HP: variants seen among roughly 807,000 people sequenced by gnomAD.
HP encodes the protein haptoglobin, also known as haptoglobin alpha(1S)-beta.
In HP, 9 loss-of-function variants were observed where a neutral mutation model predicts 23.2. That is an observed-to-expected ratio of 0.39 (90% CI 0.23 to 0.68). HP has a LOEUF of 0.68. Among genes scored for constraint, HP ranks in the 30% least tolerant of loss-of-function variants. The pLI, the probability that HP is intolerant of heterozygous loss-of-function variation, is 0.47. For missense variants in HP, 433 were observed against 483.6 expected, an observed-to-expected ratio of 0.90 and a Z score of 0.98; for synonymous variants, 155 against 183.3, an observed-to-expected ratio of 0.85 and a Z score of 1.25.
chr16:72,056,137 C>T (rs755325927), intron 1 of HP, 24 bp from the exon 2 acceptor site: 11 of 1,609,006 alleles, frequency 6.8e-6, no homozygotes, highest in Non-Finnish European at 9.4e-6. Context: ...TAGCTTTCCA[C>T]TCCTCCTTGT....
intron 1 of HP, 53 bp downstream of exon 1, chr16:72,054,710 T>C: frequency 6.2e-7 from 1 of 1,611,948 alleles, no homozygotes; most frequent in East Asian, 2.2e-5. Flanking sequence ...ATTTCAGTCT[T>C]TTTTGCATAC....
In HP at chr16:72,060,532, C is replaced by T; in HGVS notation, c.863C>T (p.Ala288Val). The change falls in exon 7 of 7, where the codon GCC becomes GTC. Residue 288 changes from alanine (A) to valine (V), a missense_variant. Ala to Val is a moderately conservative substitution (Grantham distance 64). Around this residue, in one of 3 missense-constraint regions of HP, gnomAD observed 326 missense variants for 358.1 expected, o/e 0.91. Transcript: ENST00000355906. ...VGYVSGWGRN[A>V]NFKFTDHLKY... ...TATGTTTCTGGCTGGGGGCGAAATG[C>T]CAATTTTAAATTTACTGACCATCTG... is the stretch of plus-strand genomic sequence containing the variant. The T allele has an allele frequency of 6.2e-7, 1 of 1,614,138 alleles. No individual in the cohort carries two copies. Among genetic ancestry groups the T allele is most frequent in the Non-Finnish European group, 8.5e-7 (1 of 1,180,014 alleles).
intron 1 of HP, 132 bp downstream of exon 1, chr16:72,054,789 T>G: frequency 1.4e-6 from 2 of 1,444,576 alleles, no homozygotes; most frequent in Non-Finnish European, 1.9e-6. Flanking sequence ...ACCAAAGGGC[T>G]TAGTGTGTTA....
chr16:72,060,113 A>G lies in HP; in HGVS notation c.444A>G (p.Val148=). The G allele has an allele frequency of 6.2e-7, 1 of 1,612,758 alleles. No homozygotes were observed. The highest frequency in any genetic ancestry group is 8.5e-7 in the Non-Finnish European group (1 of 1,179,390). ...VGDKLPECEA[V]CGKPKNPANP... ...CGAGTGTCTTGCTCTCCTTGACAGTATGTGGGAAGCCCAAGAATCCGGCAA... is the reference window on the plus strand; with the variant it reads ...CGAGTGTCTTGCTCTCCTTGACAGTGTGTGGGAAGCCCAAGAATCCGGCAA... The change falls in exon 7 of 7, where the codon GTA becomes GTG. Residue 148 remains valine (V), a splice_region_variant and synonymous_variant. Coordinates refer to ENST00000355906, the MANE Select transcript of HP (RefSeq NM_005143.5).
Position 72,059,197 on chromosome 16 carries a change from T to G in HP, c.442+9T>G, listed in dbSNP as rs1471534655. On this transcript the variant is annotated intron_variant, in intron 6 of 6. Transcript: ENST00000355906. ...TCCTGAATGTGAAGCAGGTGGGTGCTGAGCACTTAAGAGAGCAGGCAGGCG... is the reference window on the plus strand; with the variant it reads ...TCCTGAATGTGAAGCAGGTGGGTGCGGAGCACTTAAGAGAGCAGGCAGGCG... The G allele has an allele frequency of 1.3e-6, 2 of 1,565,356 alleles. No individual in the cohort carries two copies. The highest frequency in any genetic ancestry group is 2.2e-5 in the South Asian group (2 of 90,462).
chr16:72,059,102 C>G lies in HP; in HGVS notation c.368-12C>G, dbSNP rs1555533012. ...ACTTCTCCTTTGGCTCACTTCTTGC[C>G]TTTTGTTTCAGGAGTGTACACCTTA... On this transcript the variant is annotated splice_polypyrimidine_tract_variant and intron_variant, in intron 5 of 6. Transcript: ENST00000355906. 3.8e-6 allele frequency: 6 copies of G among 1,564,132 alleles called. 1 individual carries two copies. Among genetic ancestry groups the G allele is most frequent in the Non-Finnish European group, 5.2e-6 (6 of 1,147,722 alleles).
At chr16:72,060,040 G>C in intron 6 of HP, 72 bp from the exon 7 acceptor site, 1 of 1,594,416 alleles carries the variant, frequency 6.3e-7, no homozygotes, top group East Asian at 2.3e-5. Flanking sequence ...AGCCGCCCAT[G>C]CTTTCACCCC....
At chr16:72,059,515 G>A (rs1046772358) in intron 6 of HP, 1 of 373,192 alleles carries the variant, frequency 2.7e-6, no homozygotes, top group East Asian at 5.2e-5. Flanking sequence ...GTCAAGGAAT[G>A]ACATAAAATC....
In HP at chr16:72,060,515, T is replaced by C. The variant is rs374023842; in HGVS notation, c.846T>C (p.Ser282=). The C allele has an allele frequency of 2.2e-5, 35 of 1,614,082 alleles. No homozygotes were observed. Among genetic ancestry groups the C allele is most frequent in the Non-Finnish European group, 2.7e-5 (32 of 1,180,050 alleles). The stretch of plus-strand genomic sequence containing the variant: ...AAGTAGGGCGTGTGGGTTATGTTTC[T>C]GGCTGGGGGCGAAATGCCAATTTTA... The part of the protein sequence containing the change: ...YAEVGRVGYV[S]GWGRNANFKF... The change falls in exon 7 of 7, where the codon TCT becomes TCC. Residue 282 remains serine, a synonymous_variant. Coordinates refer to ENST00000355906, the MANE Select transcript of HP (RefSeq NM_005143.5).
chr16:72,054,681 G>A, intron 1 of HP, 24 bp downstream of exon 1: 1 of 1,612,306 alleles, frequency 6.2e-7, no homozygotes, highest in East Asian at 2.2e-5. Context: ...TTTCCCTCCT[G>A]CCTTTCCTCT....
At position 72,058,177 on chromosome 16, in the gene HP, C is replaced by T. The variant is rs561768825; in HGVS notation, c.266-77C>T. The T allele has an allele frequency of 1.9e-4, 177 of 909,708 alleles. 28 individuals carry two copies. Among genetic ancestry groups the T allele is most frequent in the Non-Finnish European group, 2.7e-4 (167 of 612,764 alleles). 56.4% of individuals were successfully genotyped at this position (909,708 alleles called of 1,614,324 possible). ...AAGGAGATTGATGTGCAGAGCAGCTCCCGCTCATCTGACTTTTCACGGTTC... is the reference window on the plus strand; with the variant it reads ...AAGGAGATTGATGTGCAGAGCAGCTTCCGCTCATCTGACTTTTCACGGTTC... On this transcript the variant is annotated intron_variant, in intron 4 of 6. Transcript: ENST00000355906.
chr16:72,056,321 T>C (rs2041462300), intron 2 of HP, 78 bp downstream of exon 2: 2 of 1,565,862 alleles, frequency 1.3e-6, no homozygotes, highest in East Asian at 4.5e-5. Context: ...AACACCCAAT[T>C]CCCCCTTCTT....
rs552803782 is a variant in HP at position 72,057,630 on chromosome 16, A to T, written c.265+164A>T. ...AGGGAGAGACTTAAGCAGTTAGGTG[A>T]TGACTCCCTAAGGGTCACCAAGGGT... On this transcript the variant is annotated intron_variant, in intron 4 of 6. Coordinates refer to ENST00000355906, the MANE Select transcript of HP (RefSeq NM_005143.5). 6.6e-4 allele frequency: 509 copies of T among 768,330 alleles called. 55 individuals are homozygous for T. Among genetic ancestry groups the T allele is most frequent in the Non-Finnish European group, 9.3e-4 (463 of 496,286 alleles). The allele number at this position is 768,330 out of a possible 1,614,324, so 47.6% of individuals were successfully genotyped here. A position where few individuals can be genotyped will look rare whatever the true frequency, so the allele number is the denominator to read the frequency against.
chr16:72,060,269 G>A lies in HP; in HGVS notation c.600G>A (p.Thr200=), dbSNP rs369321095. 9.3e-5 allele frequency: 150 copies of A among 1,614,092 alleles called. 2 individuals carry two copies. The highest frequency in any genetic ancestry group is 7.5e-4 in the South Asian group (68 of 91,086). ...TLINEQWLLT[T]AKNLFLNHSE... is the part of the protein sequence containing the mutation. ...TCAATGAACAATGGCTGCTGACCAC[G>A]GCTAAAAATCTCTTCCTGAACCATT... The change falls in exon 7 of 7, where the codon ACG becomes ACA. Residue 200 remains threonine (T), a synonymous_variant. Transcript: ENST00000355906.
intron 5 of HP, 114 bp from the exon 6 acceptor site, chr16:72,059,000 C>T (rs1380594369): frequency 8.7e-7 from 1 of 1,143,260 alleles, no homozygotes; most frequent in East Asian, 2.5e-5. Context: ...TTTTCCCCTT[C>T]CTTTTTGTCC....
At chr16:72,056,270 G>T (rs374879127) in intron 2 of HP, 27 bp downstream of exon 2, 1 of 1,605,816 alleles carries the variant, frequency 6.2e-7, no homozygotes, top group South Asian at 1.1e-5. Flanking sequence ...GTAGGAGTGT[G>T]CATCCCACTC....
Position 72,057,865 on chromosome 16 carries a change from C to T in HP, c.266-389C>T, listed in dbSNP as rs1312126070. The T allele has an allele frequency of 1.5e-5, 5 of 334,532 alleles. No homozygotes were observed. The Admixed American group carries it at 1.6e-4, about 11-fold the overall frequency. The allele number at this position is 334,532 out of a possible 1,614,324, so 20.7% of individuals were successfully genotyped here. The stretch of plus-strand genomic sequence containing the variant: ...GACATGGGCTGGAACTCCTGCTTCT[C>T]GTTATTAGGAGGAGCTGTTGCTCTC... On this transcript the variant is annotated intron_variant, in intron 4 of 6. Transcript: ENST00000355906.
In HP at chr16:72,054,566, A is replaced by G; in HGVS notation, c.-87A>G. 2 of 1,584,282 alleles carry G rather than the reference A, an allele frequency of 1.3e-6. No individual in the cohort carries two copies. The highest frequency in any genetic ancestry group is 1.7e-6 in the Non-Finnish European group (2 of 1,163,856). Reference sequence around the variant, plus strand: ...TGTAGACACAGGAATTACGAAATGGAGAAGGGGGAGAAGTGAGCTAGTGGC... The same window carrying G: ...TGTAGACACAGGAATTACGAAATGGGGAAGGGGGAGAAGTGAGCTAGTGGC... On this transcript the variant is annotated 5_prime_UTR_variant, in exon 1 of 7. Coordinates refer to ENST00000355906, the MANE Select transcript of HP (RefSeq NM_005143.5).
chr16:72,054,919 A>C, intron 1 of HP: 1 of 657,196 alleles, frequency 1.5e-6, no homozygotes, highest in Non-Finnish European at 2.6e-6. Flanking sequence ...AGGGTATGTC[A>C]TCAGCTCCCG....
Sources: allele counts gnomAD v4.1 joint callset, GRCh38; gene constraint gnomAD v4.1.1; regional missense constraint gnomAD v4.1.1; transcripts MANE v1.5; gene names NCBI Gene and HGNC (gene_info 2026-07-23, HGNC 2026-07-21).